The following KCNAB1 variants were observed in gnomAD, a reference collection of about 807,000 sequenced individuals.
The protein encoded by KCNAB1 is voltage-gated potassium channel subunit beta-1.
A neutral mutation model predicts 64.6 loss-of-function variants in KCNAB1; 35 were observed. That is an observed-to-expected ratio of 0.54 (90% CI 0.41 to 0.72). The LOEUF is 0.72. Among genes scored for constraint, KCNAB1 ranks in the 30% least tolerant of loss-of-function variants. The pLI, the probability that KCNAB1 is intolerant of heterozygous loss-of-function variation, is 0.00. For missense variants in KCNAB1, 401 were observed against 512.9 expected, an observed-to-expected ratio of 0.78 and a Z score of 2.11; for synonymous variants, 177 against 183.8, an observed-to-expected ratio of 0.96 and a Z score of 0.30.
At chr3:156,128,661 C>T (rs73876104) in intron 1 of KCNAB1, among the ~76,000 whole-genome samples, 1,556 of 152,270 alleles carry the variant, frequency 0.01, 29 homozygotes, top group African/African-American at 0.036. Context: ...AGGCCCAGAT[C>T]CCAGGTCTCC....
At chr3:156,127,884 G>GGTGGGT (rs1713749090) in intron 1 of KCNAB1, among the ~76,000 whole-genome samples, 1 of 147,556 alleles carries the variant, frequency 6.8e-6, no homozygotes, top group African/African-American at 2.5e-5. Context: ...CTTCATTTGG[G>GGTGGGT]GTGTGTGTGT....
At chr3:156,121,907 A>G (rs1319281889) in intron 1 of KCNAB1, among the ~76,000 whole-genome samples, 1 of 152,226 alleles carries the variant, frequency 6.6e-6, no homozygotes, top group Non-Finnish European at 1.5e-5. Context: ...TTATTTAGTA[A>G]TTGAATTAAC....
rs1400994268 is a variant in KCNAB1 at position 156,452,835 on chromosome 3, C to T, written c.320-64C>T. The T allele has an allele frequency of 1.7e-5, 22 of 1,268,048 alleles. No individual in the cohort carries two copies. Among genetic ancestry groups the T allele is most frequent in the Admixed American group, 7.6e-5 (4 of 52,748 alleles). 78.5% of individuals were successfully genotyped at this position (1,268,048 alleles called of 1,614,324 possible). A position where few individuals can be genotyped will look rare whatever the true frequency, so the allele number is the denominator to read the frequency against. ...GAGGTAGTCCCAAAGTAAGAATTTC[C>T]CTTATTACGCACAATATTAGAAAAA... On this transcript the variant is annotated intron_variant, in intron 2 of 13. Coordinates refer to ENST00000490337, the MANE Select transcript of KCNAB1 (RefSeq NM_172160.3). The surrounding 1 kb of genome is among the most constrained non-coding windows in gnomAD (Gnocchi z 4.6).
chr3:156,456,280 A>T (rs535474272), intron 3 of KCNAB1, among the ~76,000 whole-genome samples: 3,805 of 152,200 alleles, frequency 0.025, 139 homozygotes, highest in East Asian at 0.093. Flanking sequence ...TCTTAAAAAA[A>T]CTCTCTAGAT....
intron 13 of KCNAB1, among the ~76,000 whole-genome samples, chr3:156,533,306 T>C (rs1718830522): frequency 6.6e-6 from 1 of 152,192 alleles, no homozygotes; most frequent in South Asian, 2.1e-4. Context: ...TTACATTCTT[T>C]GACAACCATT....
chr3:156,199,818 G>A (rs1714208240), intron 1 of KCNAB1, among the ~76,000 whole-genome samples: 2 of 152,154 alleles, frequency 1.3e-5, no homozygotes, highest in Admixed American at 1.3e-4. Context: ...GCCTGCTTCT[G>A]TCAATTCATC....
intron 1 of KCNAB1, among the ~76,000 whole-genome samples, chr3:156,259,714 G>A (rs1718317110): frequency 6.6e-6 from 1 of 152,152 alleles, no homozygotes; most frequent in South Asian, 2.1e-4. Flanking sequence ...GTCCTGCCTT[G>A]TCTTTGGGAC....
chr3:156,331,595 T>C (rs1031672201), intron 1 of KCNAB1, among the ~76,000 whole-genome samples: 1 of 152,132 alleles, frequency 6.6e-6, no homozygotes, highest in Non-Finnish European at 1.5e-5. Flanking sequence ...TAAAGTAAAA[T>C]TTAGAGTATT....
At chr3:156,276,314 A>G (rs368524488) in intron 1 of KCNAB1, among the ~76,000 whole-genome samples, 11 of 152,308 alleles carry the variant, frequency 7.2e-5, no homozygotes, top group African/African-American at 2.6e-4. Context: ...TTGTTGTTCC[A>G]TTTAGAGCAC....
intron 1 of KCNAB1, among the ~76,000 whole-genome samples, chr3:156,123,688 AT>A (rs886940326): frequency 2.0e-5 from 3 of 152,156 alleles, no homozygotes; most frequent in South Asian, 2.1e-4. Context: ...TGTGATACTG[AT>A]TTTTTTAGAA....
At chr3:156,127,798 G>A (rs1713742038) in intron 1 of KCNAB1, among the ~76,000 whole-genome samples, 1 of 151,878 alleles carries the variant, frequency 6.6e-6, no homozygotes, top group African/African-American at 2.4e-5. Flanking sequence ...CAGGGACTTG[G>A]TTCAGTCTGC....
chr3:156,317,931 A>G (rs1301845334), intron 1 of KCNAB1, among the ~76,000 whole-genome samples: 25 of 152,212 alleles, frequency 1.6e-4, no homozygotes, highest in Non-Finnish European at 1.2e-4. Context: ...CAATATGCTA[A>G]TTCCCATTCA....
At chr3:156,514,143 G>A (rs917752538) in intron 8 of KCNAB1, among the ~76,000 whole-genome samples, 1 of 152,214 alleles carries the variant, frequency 6.6e-6, no homozygotes, top group Admixed American at 6.5e-5. Context: ...TGTTGTTGCT[G>A]CAAATGGAAA....
intron 1 of KCNAB1, among the ~76,000 whole-genome samples, chr3:156,236,907 A>T (rs964324281): frequency 6.6e-6 from 1 of 152,196 alleles, no homozygotes; most frequent in East Asian, 1.9e-4. Flanking sequence ...AACACACTAA[A>T]TTTAATAAAT....
chr3:156,221,384 A>G (rs1715721433), intron 1 of KCNAB1, among the ~76,000 whole-genome samples: 1 of 152,216 alleles, frequency 6.6e-6, no homozygotes, highest in African/African-American at 2.4e-5. Context: ...CAGGTAACCT[A>G]TAAAGGAAAA....
intron 1 of KCNAB1, among the ~76,000 whole-genome samples, chr3:156,370,373 CA>C (rs1336894218): frequency 1.3e-5 from 2 of 152,182 alleles, no homozygotes. Context: ...TTGTAAAGTA[CA>C]ATCACTTATA....
chr3:156,534,922 T>A (rs148043474), intron 13 of KCNAB1, among the ~76,000 whole-genome samples: 1,693 of 152,306 alleles, frequency 0.011, 13 homozygotes, highest in Non-Finnish European at 0.014. Context: ...GTTTCATTTT[T>A]TTAATGTTTA....
intron 1 of KCNAB1, among the ~76,000 whole-genome samples, chr3:156,228,517 T>C (rs893936789): frequency 1.3e-5 from 2 of 152,168 alleles, no homozygotes; most frequent in African/African-American, 4.8e-5. Context: ...GTTTCTTCCT[T>C]CTCACTAGCC....
chr3:156,307,964 C>T (rs560152633), intron 1 of KCNAB1, among the ~76,000 whole-genome samples: 26 of 152,108 alleles, frequency 1.7e-4, no homozygotes, highest in South Asian at 4.2e-4. Flanking sequence ...AGGGAGTGAA[C>T]GAAATAGCCT....
Sources: gnomAD v4.1 joint callset for allele counts (sites outside exome capture counted in the v4.1 genomes callset) on GRCh38, gnomAD v4.1.1 for gene constraint, Gnocchi (gnomAD v3.1) non-coding constraint, MANE v1.5 for transcripts, NCBI Gene and HGNC (gene_info 2026-07-23, HGNC 2026-07-21) for gene names.